Variants in LGSN observed in about 807,000 individuals in gnomAD.
LGSN encodes the protein lengsin, lens protein with glutamine synthetase domain.
A neutral mutation model predicts 19.5 loss-of-function variants in LGSN; 21 were observed. The observed-to-expected ratio is 1.07, with a 90% CI of 0.76 to 1.55. The LOEUF (loss-of-function observed/expected upper bound fraction) is 1.55. Among genes scored for constraint, LGSN ranks in the 40% most tolerant of loss-of-function variants. The probability of loss-of-function intolerance (pLI) is 0.00; values close to 1 mark genes in which losing one functional copy is unlikely to be tolerated. For missense variants in LGSN, 673 were observed against 608.5 expected, an observed-to-expected ratio of 1.11 and a Z score of -1.12; for synonymous variants, 257 against 215.6, an observed-to-expected ratio of 1.19 and a Z score of -1.68.
chr6:63,489,843 G>A, the LGSN span, among the ~76,000 whole-genome samples: 1 of 151,982 alleles, frequency 6.6e-6, no homozygotes, highest in Admixed American at 6.6e-5. Context: ...AGGAGTAACT[G>A]AGATTACAGA....
chr6:63,372,794 A>C, the LGSN span, among the ~76,000 whole-genome samples: 2 of 152,192 alleles, frequency 1.3e-5, no homozygotes, highest in Admixed American at 1.3e-4. Context: ...AGAAAAAAAC[A>C]AACCATGACA....
the LGSN span, among the ~76,000 whole-genome samples, chr6:63,352,262 G>A: frequency 6.6e-6 from 1 of 152,196 alleles, no homozygotes; most frequent in African/African-American, 2.4e-5. Flanking sequence ...AAACTCACAT[G>A]TTAGTAGAGA....
chr6:63,303,266 T>A (rs557240252), intron 1 of LGSN, among the ~76,000 whole-genome samples: 5 of 152,334 alleles, frequency 3.3e-5, no homozygotes, highest in Middle Eastern at 3.4e-3. Flanking sequence ...TCATTTGTAA[T>A]GCATGTTTTC....
chr6:63,280,823 A>G lies in LGSN; in HGVS notation c.728T>C (p.Leu243Pro). Residue 243 changes from leucine (L) to proline (P), a missense_variant, in exon 4 of 4, where the codon CTT (leucine) becomes CCT (proline). Transcript: ENST00000370657. ...TCCAGTGTGATACAAGCCATCAACA[A>G]GTTCCTGCATGAAGGGCTGATCATG... ...NNHDQPFMQE[L>P]VDGLYHTGAN... The G allele has an allele frequency of 6.2e-7, 1 of 1,614,114 alleles. No homozygotes were observed. Among genetic ancestry groups the G allele is most frequent in the Non-Finnish European group, 8.5e-7 (1 of 1,179,982 alleles).
chr6:63,331,430 T>A, the LGSN span, among the ~76,000 whole-genome samples: 1 of 152,156 alleles, frequency 6.6e-6, no homozygotes, highest in Admixed American at 6.5e-5. Flanking sequence ...ATGAGCCACC[T>A]CTTTTTCAGG....
chr6:63,300,310 AGAAT>A (rs1768135634), intron 1 of LGSN, among the ~76,000 whole-genome samples: 1 of 152,222 alleles, frequency 6.6e-6, no homozygotes, highest in Non-Finnish European at 1.5e-5. Flanking sequence ...GACATTAGGG[AGAAT>A]ACCTACGTTA....
At chr6:63,545,467 T>A in the LGSN span, among the ~76,000 whole-genome samples, 5 of 151,998 alleles carry the variant, frequency 3.3e-5, no homozygotes, top group African/African-American at 1.2e-4. Flanking sequence ...AAAAATTAGC[T>A]GGGCGTGGTG....
chr6:63,525,985 C>G, the LGSN span, among the ~76,000 whole-genome samples: 1 of 152,130 alleles, frequency 6.6e-6, no homozygotes, highest in Admixed American at 6.5e-5. Context: ...TACCAGTATA[C>G]AAAAGAGTGG....
In LGSN at chr6:63,319,925, G is replaced by T; in HGVS notation, c.19C>A (p.Leu7Ile). 2 of 1,609,598 alleles carry T rather than the reference G, an allele frequency of 1.2e-6. No individual in the cohort carries two copies. Among genetic ancestry groups the T allele is most frequent in the African/African-American group, 1.3e-5 (1 of 74,918 alleles). Residue 7 changes from leucine to isoleucine, a missense_variant, in exon 1 of 4, where the codon CTT becomes ATT. By Grantham distance (5) the Leu-to-Ile change is conservative (BLOSUM62 2). Coordinates refer to ENST00000370657, the MANE Select transcript of LGSN (RefSeq NM_016571.3). ...GATTAGCTTCATACCTCCTGCAGAAGGTCCTCTTCATTATTCATCTCAACA... is the reference window on the plus strand; with the variant it reads ...GATTAGCTTCATACCTCCTGCAGAATGTCCTCTTCATTATTCATCTCAACA... MNNEED[L>I]LQEDSTRDEG...
At chr6:63,391,556 G>A in the LGSN span, among the ~76,000 whole-genome samples, 8 of 152,092 alleles carry the variant, frequency 5.3e-5, no homozygotes, top group Non-Finnish European at 1.2e-4. Flanking sequence ...CCACCTCAAG[G>A]TCTGTGTTAG....
the LGSN span, among the ~76,000 whole-genome samples, chr6:63,378,513 T>A: frequency 6.6e-6 from 1 of 152,180 alleles, no homozygotes; most frequent in African/African-American, 2.4e-5. Context: ...GGCTGAGTAA[T>A]TTATAAAGAA....
chr6:63,325,671 A>T, the LGSN span, among the ~76,000 whole-genome samples: 1 of 152,210 alleles, frequency 6.6e-6, no homozygotes, highest in Non-Finnish European at 1.5e-5. Context: ...GGTGAGTGTT[A>T]CAGCTTTTAA....
At chr6:63,412,670 AAAGG>A in the LGSN span, among the ~76,000 whole-genome samples, 4 of 125,622 alleles carry the variant, frequency 3.2e-5, no homozygotes, top group African/African-American at 1.5e-4. Context: ...GAAAGGAAGG[AAAGG>A]AAGAAAGAAA....
the LGSN span, among the ~76,000 whole-genome samples, chr6:63,393,622 T>C: frequency 6.6e-6 from 1 of 152,184 alleles, no homozygotes; most frequent in African/African-American, 2.4e-5. Flanking sequence ...AACCAATTTG[T>C]GAGCCCTATG....
At chr6:63,412,483 G>GAAGAAAGAAAGA in the LGSN span, among the ~76,000 whole-genome samples, 271 of 52,838 alleles carry the variant, frequency 5.1e-3, 6 homozygotes, top group African/African-American at 8.3e-3. Context: ...AGAAGAAAGA[G>GAAGAAAGAAAGA]AAGAAAGAAA....
the LGSN span, among the ~76,000 whole-genome samples, chr6:63,520,004 A>G: frequency 2.4e-3 from 363 of 152,350 alleles, 3 homozygotes; most frequent in Middle Eastern, 0.02. Flanking sequence ...GATTTAATGT[A>G]TCATCTACCT....
the LGSN span, among the ~76,000 whole-genome samples, chr6:63,403,779 A>G: frequency 1.8e-4 from 28 of 152,322 alleles, no homozygotes; most frequent in Admixed American, 3.3e-4. Flanking sequence ...ACTTTAAAGT[A>G]TTCCCGTGAT....
chr6:63,401,351 G>A, the LGSN span, among the ~76,000 whole-genome samples: 1 of 150,778 alleles, frequency 6.6e-6, no homozygotes, highest in South Asian at 2.1e-4. Flanking sequence ...AGTAAGCCAT[G>A]AGCATGCCAC....
chr6:63,435,998 T>A, the LGSN span, among the ~76,000 whole-genome samples: 1 of 151,806 alleles, frequency 6.6e-6, no homozygotes, highest in African/African-American at 2.4e-5. Flanking sequence ...GCTCCAGCCA[T>A]ACTGCTCTTT....
Sources: allele counts gnomAD v4.1 joint callset (sites outside exome capture counted in the v4.1 genomes callset), GRCh38; gene constraint gnomAD v4.1.1; transcripts MANE v1.5; gene names NCBI Gene and HGNC (gene_info 2026-07-23, HGNC 2026-07-21).